The following RFX6 variants were observed in gnomAD, a reference collection of about 807,000 sequenced individuals.
RFX6 encodes the protein DNA-binding protein RFX6.
Under a neutral mutation model 110.8 loss-of-function variants are expected in RFX6, and 50 were observed. That is an observed-to-expected ratio of 0.45 (90% confidence interval 0.36 to 0.57). The LOEUF is 0.57. Among genes scored for constraint, RFX6 ranks in the 20% least tolerant of loss-of-function variants. The pLI is 0.00. For synonymous variants in RFX6, 383 were observed against 411.2 expected (o/e 0.93, Z 0.83); for missense variants, 990 against 1,127.0 (o/e 0.88, Z 1.74).
At chr6:116,909,917 C>A (rs966293624) in intron 6 of RFX6, among the ~76,000 whole-genome samples, 2 of 151,512 alleles carry the variant, frequency 1.3e-5, no homozygotes, top group South Asian at 2.1e-4. Context: ...CAAAAGTACT[C>A]CCAGTTCCCT....
At chr6:116,913,429 C>T (rs1358598022) in intron 7 of RFX6, among the ~76,000 whole-genome samples, 4 of 152,198 alleles carry the variant, frequency 2.6e-5, no homozygotes, top group African/African-American at 4.8e-5. Context: ...AGTGAGGGTA[C>T]TGAGAAGCTG....
chr6:116,927,599 C>A, intron 17 of RFX6, 60 bp downstream of exon 17: 1 of 1,356,780 alleles, frequency 7.4e-7, no homozygotes, highest in Non-Finnish European at 1.0e-6. Flanking sequence ...CAAAATCAGA[C>A]ATTGCGTTCC....
intron 6 of RFX6, among the ~76,000 whole-genome samples, chr6:116,901,510 A>G (rs146064545): frequency 0.011 from 1,607 of 152,310 alleles, 14 homozygotes; most frequent in African/African-American, 0.025. Flanking sequence ...AAGACAACCC[A>G]ACAGAATTAT....
intron 6 of RFX6, among the ~76,000 whole-genome samples, chr6:116,909,307 G>A (rs1170548683): frequency 6.6e-6 from 1 of 152,072 alleles, no homozygotes; most frequent in Non-Finnish European, 1.5e-5. Context: ...TATATGAAAA[G>A]TGCAAACCTT....
intron 7 of RFX6, among the ~76,000 whole-genome samples, chr6:116,912,831 GCCAATTTGAAAGACT>G (rs1225945110): frequency 2.1e-5 from 3 of 141,340 alleles, no homozygotes; most frequent in African/African-American, 8.2e-5. Context: ...GTTCATACCT[GCCAATTTGAAAGACT>G]GGTCTGTAGA....
chr6:116,921,655 A>AT (rs200362577), intron 12 of RFX6, among the ~76,000 whole-genome samples: 163 of 145,504 alleles, frequency 1.1e-3, no homozygotes, highest in Middle Eastern at 0.011. Context: ...TTGCTCTATA[A>AT]TTTTTTTTTT....
intron 7 of RFX6, among the ~76,000 whole-genome samples, chr6:116,915,575 C>T (rs2114692723): frequency 6.6e-6 from 1 of 152,170 alleles, no homozygotes; most frequent in East Asian, 1.9e-4. Flanking sequence ...GCATCCACTT[C>T]ATAAAACTGT....
intron 6 of RFX6, among the ~76,000 whole-genome samples, chr6:116,901,490 C>T (rs753549590): frequency 6.6e-6 from 1 of 152,032 alleles, no homozygotes. Flanking sequence ...GAATTCAAGT[C>T]AATAATGAAA....
At chr6:116,899,952 A>G (rs1051667650) in intron 6 of RFX6, among the ~76,000 whole-genome samples, 4 of 152,206 alleles carry the variant, frequency 2.6e-5, no homozygotes, top group African/African-American at 9.6e-5. Flanking sequence ...ATCCTATAAA[A>G]ATATGAAGAC....
intron 18 of RFX6, among the ~76,000 whole-genome samples, chr6:116,930,938 G>A (rs1361834230): frequency 6.6e-6 from 1 of 152,138 alleles, no homozygotes; most frequent in Non-Finnish European, 1.5e-5. Flanking sequence ...TTGCTCTCGG[G>A]AAGGTGAGTG....
At chr6:116,918,158 C>A in intron 10 of RFX6, 72 bp downstream of exon 10, 1 of 1,029,672 alleles carries the variant, frequency 9.7e-7, no homozygotes, top group Non-Finnish European at 1.5e-6. Context: ...TAGAAGAAAA[C>A]ATTAGGTAGT....
At chr6:116,901,182 T>G (rs1757189704) in intron 6 of RFX6, among the ~76,000 whole-genome samples, 1 of 152,210 alleles carries the variant, frequency 6.6e-6, no homozygotes, top group Non-Finnish European at 1.5e-5. Context: ...TAATGTTCAG[T>G]AAGTTGGGTA....
At position 116,882,218 on chromosome 6, in the gene RFX6, A is replaced by T. The variant is rs1774604618; in HGVS notation, c.505-149A>T. ...CTCTGCTGATGTATTGCTTATCAAT[A>T]TGTGTAAGTTATTACTTTTTCCAGA... On this transcript the variant is annotated intron_variant, in intron 3 of 18. Transcript: ENST00000332958. 4 of 680,976 alleles carry T rather than the reference A, an allele frequency of 5.9e-6. No homozygotes were observed. In the East Asian group the frequency reaches 8.3e-5, roughly 14 times the overall value. 42.2% of individuals were successfully genotyped at this position (680,976 alleles called of 1,614,324 possible).
intron 6 of RFX6, among the ~76,000 whole-genome samples, 169 bp downstream of exon 6, chr6:116,895,376 A>G (rs1372906492): frequency 6.6e-6 from 1 of 152,142 alleles, no homozygotes; most frequent in African/African-American, 2.4e-5. Flanking sequence ...ACAACAAATG[A>G]ATCTTTGCAT....
Position 116,880,635 on chromosome 6 carries a change from T to G in RFX6, c.472T>G (p.Leu158Val). The G allele has an allele frequency of 6.2e-7, 1 of 1,613,532 alleles. No individual in the cohort carries two copies. Among genetic ancestry groups the G allele is most frequent in the Non-Finnish European group, 8.5e-7 (1 of 1,179,550 alleles). Residue 158 changes from leucine (L) to valine (V), a missense_variant, in exon 3 of 19, where the codon TTA becomes GTA. Physicochemically the swap from Leu to Val is conservative, Grantham distance 32. This residue lies in a region of RFX6 where 243 missense variants were observed against 353.1 expected (regional missense o/e 0.69). Coordinates refer to ENST00000332958, the MANE Select transcript of RFX6 (RefSeq NM_173560.4). ...CTTAGATTTCTGTAGGAAAGAGAAATTAGAGCCAGCCTGTGCGGCCACCTT... is the reference window on the plus strand; with the variant it reads ...CTTAGATTTCTGTAGGAAAGAGAAAGTAGAGCCAGCCTGTGCGGCCACCTT... Reference protein sequence around the residue: ...HYLDFCRKEKLEPACAATFGK... With the variant: ...HYLDFCRKEKVEPACAATFGK...
intron 6 of RFX6, among the ~76,000 whole-genome samples, chr6:116,905,112 A>G (rs1376213787): frequency 3.9e-5 from 6 of 152,214 alleles, no homozygotes; most frequent in African/African-American, 1.4e-4. Context: ...TTTACATAGC[A>G]GCTGTACTAT....
intron 4 of RFX6, among the ~76,000 whole-genome samples, chr6:116,893,073 A>G (rs190862775): frequency 2.3e-4 from 35 of 152,250 alleles, no homozygotes; most frequent in Admixed American, 2.1e-3. Flanking sequence ...AAATCCCCTC[A>G]TTCTCTTTTT....
At chr6:116,887,425 C>T (rs773892746) in intron 4 of RFX6, among the ~76,000 whole-genome samples, 7 of 152,136 alleles carry the variant, frequency 4.6e-5, no homozygotes, top group African/African-American at 7.2e-5. Context: ...GCAACCCCAG[C>T]GGCAGACACT....
intron 18 of RFX6, among the ~76,000 whole-genome samples, chr6:116,929,916 T>G (rs898903427): frequency 1.3e-5 from 2 of 152,210 alleles, no homozygotes; most frequent in Non-Finnish European, 2.9e-5. Flanking sequence ...TCTCTTCCTG[T>G]CACTGTCACA....
Sources: gnomAD v4.1 joint callset for allele counts (sites outside exome capture counted in the v4.1 genomes callset) on GRCh38, gnomAD v4.1.1 for gene constraint, gnomAD v4.1.1 regional missense constraint, MANE v1.5 for transcripts, NCBI Gene and HGNC (gene_info 2026-07-23, HGNC 2026-07-21) for gene names.